SVIL: variants seen among roughly 807,000 people sequenced by gnomAD.
The protein encoded by SVIL is supervillin, also known as archvillin.
SVIL carries 101 observed loss-of-function variants against 240.4 expected under a neutral mutation model. That is an observed-to-expected ratio of 0.42 (90% CI 0.36 to 0.50). The LOEUF (loss-of-function observed/expected upper bound fraction) is 0.50, where lower values mean the gene tolerates loss of function less well. Ranked by LOEUF, SVIL falls within the 20% of genes least tolerant of loss-of-function variation. The pLI, the probability that SVIL is intolerant of heterozygous loss-of-function variation, is 0.01. For missense variants in SVIL, 2,512 were observed against 2,818.7 expected (o/e 0.89, Z 2.46); for synonymous variants, 999 against 1,100.0 (o/e 0.91, Z 1.82).
chr10:29,527,640 T>A (rs1425175519), intron 12 of SVIL, among the ~76,000 whole-genome samples: 1 of 151,362 alleles, frequency 6.6e-6, no homozygotes, highest in African/African-American at 2.4e-5. Flanking sequence ...TTGGCCAGGA[T>A]GGTCTTGATC....
At chr10:29,586,141 C>T (rs1956159302) in intron 1 of SVIL, among the ~76,000 whole-genome samples, 1 of 152,182 alleles carries the variant, frequency 6.6e-6, no homozygotes, top group African/African-American at 2.4e-5. Flanking sequence ...CCCGTGGATG[C>T]TCGGCTGTGG....
At chr10:29,660,161 A>T (rs1045226753) in intron 2 of SVIL, among the ~76,000 whole-genome samples, 10 of 152,162 alleles carry the variant, frequency 6.6e-5, no homozygotes, top group African/African-American at 1.9e-4. Flanking sequence ...TCTACAAAAA[A>T]ATTAAAAATT....
intron 1 of SVIL, among the ~76,000 whole-genome samples, chr10:29,605,819 T>C (rs1957000019): frequency 6.6e-6 from 1 of 151,584 alleles, no homozygotes; most frequent in Non-Finnish European, 1.5e-5. Context: ...ATCTTTTCTT[T>C]CATGGTTTCT....
intron 1 of SVIL, among the ~76,000 whole-genome samples, chr10:29,592,407 A>C (rs1207972313): frequency 2.6e-5 from 4 of 152,260 alleles, no homozygotes; most frequent in Admixed American, 6.5e-5. Context: ...GCAAGGGGCA[A>C]GAAGAAGCTT....
intron 1 of SVIL, among the ~76,000 whole-genome samples, chr10:29,577,329 T>C (rs1229508924): frequency 6.6e-6 from 1 of 152,146 alleles, no homozygotes; most frequent in Admixed American, 6.5e-5. Context: ...TATCCCTCAC[T>C]CCTCTCCCAA....
chr10:29,540,085 C>T (rs987947726), intron 6 of SVIL, among the ~76,000 whole-genome samples: 3 of 152,146 alleles, frequency 2.0e-5, no homozygotes, highest in Admixed American at 2.0e-4. Context: ...TCATCCTGGC[C>T]CCACTAAAGT....
chr10:29,553,080 A>C (rs932282705), intron 5 of SVIL, among the ~76,000 whole-genome samples: 1 of 148,806 alleles, frequency 6.7e-6, no homozygotes, highest in Non-Finnish European at 1.5e-5. Flanking sequence ...AGCCTCCCAA[A>C]GTGCTGGAAT....
chr10:29,575,209 G>A (rs1955636581), intron 1 of SVIL: 1 of 153,686 alleles, frequency 6.5e-6, no homozygotes, highest in Non-Finnish European at 1.5e-5. Context: ...CACTGAAGAT[G>A]TGGTGTCCAG....
At chr10:29,690,554 T>A (rs989929914) in intron 1 of SVIL, among the ~76,000 whole-genome samples, 2 of 152,130 alleles carry the variant, frequency 1.3e-5, no homozygotes, top group African/African-American at 4.8e-5. Flanking sequence ...TATGCAATAC[T>A]AGAAGGCCCT....
At position 29,550,997 on chromosome 10, in the gene SVIL, G is replaced by A. The variant is rs1460459508; in HGVS notation, c.427C>T (p.Pro143Ser). The A allele has an allele frequency of 1.2e-6, 2 of 1,613,954 alleles. No individual in the cohort carries two copies. Among genetic ancestry groups the A allele is most frequent in the African/African-American group, 1.3e-5 (1 of 74,870 alleles). Residue 143 changes from proline (P) to serine (S), a missense_variant, in exon 6 of 38, where the codon CCT becomes TCT. Physicochemically the swap from Pro to Ser is moderately conservative, Grantham distance 74. This residue lies in a region of SVIL where 1,443 missense variants were observed against 1,486.6 expected (regional missense o/e 0.97). Transcript: ENST00000355867. ...LSRYTKSRKE[P>S]DAVEKRGGKS... ...CCTCCCCGCTTCTCGACAGCATCAG[G>A]CTCCTTCCTGGACTTGGTATAGCGG...
chr10:29,681,350 G>T (rs1694686538), intron 2 of SVIL, among the ~76,000 whole-genome samples: 1 of 151,030 alleles, frequency 6.6e-6, no homozygotes, highest in South Asian at 2.1e-4. Flanking sequence ...AGAGTCTCCA[G>T]CCACCACAGC....
chr10:29,498,088 CAAAAAAAAAAAA>C (rs34280398), intron 18 of SVIL, among the ~76,000 whole-genome samples: 2 of 37,490 alleles, frequency 5.3e-5, no homozygotes, highest in East Asian at 1.8e-3. Flanking sequence ...TCCCCTCCAC[CAAAAAAAAAAAA>C]AAAAAAAAAA....
intron 2 of SVIL, among the ~76,000 whole-genome samples, chr10:29,674,673 A>G (rs1287390695): frequency 6.6e-6 from 1 of 152,212 alleles, no homozygotes; most frequent in East Asian, 1.9e-4. Context: ...GTGGTGACTT[A>G]AAACAACACA....
chr10:29,512,190 C>T (rs1185432045), intron 17 of SVIL, among the ~76,000 whole-genome samples: 2 of 152,222 alleles, frequency 1.3e-5, no homozygotes, highest in African/African-American at 4.8e-5. Flanking sequence ...TAGTATTGAT[C>T]ACCATGCATT....
intron 3 of SVIL, among the ~76,000 whole-genome samples, chr10:29,645,163 G>A (rs1438834606): frequency 6.6e-6 from 1 of 152,090 alleles, no homozygotes. Flanking sequence ...TCGCTGGTCT[G>A]GATTAAGATT....
chr10:29,650,992 A>G (rs1016094340), intron 3 of SVIL, among the ~76,000 whole-genome samples: 1 of 152,178 alleles, frequency 6.6e-6, no homozygotes, highest in African/African-American at 2.4e-5. Flanking sequence ...CTTTTTATCA[A>G]TTTGACCTAG....
At chr10:29,679,601 C>A (rs1960472463) in intron 2 of SVIL, among the ~76,000 whole-genome samples, 1 of 144,628 alleles carries the variant, frequency 6.9e-6, no homozygotes, top group African/African-American at 2.5e-5. Flanking sequence ...GTTGCCCTGG[C>A]TGGAGTGCAG....
chr10:29,599,011 A>G (rs1000638530), intron 1 of SVIL, among the ~76,000 whole-genome samples: 3 of 152,214 alleles, frequency 2.0e-5, no homozygotes, highest in Admixed American at 6.5e-5. Flanking sequence ...TCAGAGCACA[A>G]AATAGCCTCT....
At chr10:29,539,864 C>T (rs145460148) in intron 6 of SVIL, among the ~76,000 whole-genome samples, 81 of 152,294 alleles carry the variant, frequency 5.3e-4, no homozygotes, top group South Asian at 4.4e-3. Context: ...ATGCCAAATC[C>T]CTGCTTCGAG....
Sources: allele counts gnomAD v4.1 joint callset (sites outside exome capture counted in the v4.1 genomes callset), GRCh38; gene constraint gnomAD v4.1.1; regional missense constraint gnomAD v4.1.1; transcripts MANE v1.5; gene names NCBI Gene and HGNC (gene_info 2026-07-23, HGNC 2026-07-21).